The following SPAG5 variants were observed in gnomAD, a reference collection of about 807,000 sequenced individuals.
The protein encoded by SPAG5 is sperm-associated antigen 5.
Under a neutral mutation model 145.4 loss-of-function variants are expected in SPAG5, and 99 were observed. The ratio of observed to expected loss-of-function variants is 0.68; its 90% CI spans 0.58 to 0.80. The LOEUF (loss-of-function observed/expected upper bound fraction) is 0.80, where lower values mean the gene tolerates loss of function less well. Ranked by LOEUF, SPAG5 falls within the 30% of genes least tolerant of loss-of-function variation. SPAG5 has a pLI of 0.00. For synonymous variants in SPAG5, 477 were observed against 525.4 expected (o/e 0.91, Z 1.26); for missense variants, 1,192 against 1,416.0 (o/e 0.84, Z 2.54).
Position 28,585,181 on chromosome 17 carries a change from C to A in SPAG5, c.1988G>T (p.Arg663Leu), listed in dbSNP as rs148918737. The A allele has an allele frequency of 6.8e-6, 11 of 1,614,164 alleles. No individual in the cohort carries two copies. In the South Asian group the frequency reaches 1.1e-4, roughly 16 times the overall value. Residue 663 changes from arginine to leucine, a missense_variant, in exon 10 of 24, where the codon CGA becomes CTA. Transcript: ENST00000321765. The part of the protein sequence containing the change: ...TTWTALLSRS[R>L]QLTEKLTVKS... ...GACTGTGAGTTTCTCTGTGAGTTGTCGGGACCGACTCAGCAAAGCTGTCCA... is the reference window on the plus strand; with the variant it reads ...GACTGTGAGTTTCTCTGTGAGTTGTAGGGACCGACTCAGCAAAGCTGTCCA...
At chr17:28,578,597 A>T in intron 20 of SPAG5, 69 bp from the exon 21 acceptor site, 1 of 1,609,664 alleles carries the variant, frequency 6.2e-7, no homozygotes, top group Non-Finnish European at 8.5e-7. Flanking sequence ...ACAAAAGCAA[A>T]CCATTTCTCA....
At position 28,579,176 on chromosome 17, in the gene SPAG5, C is replaced by G. The variant is rs760845726; in HGVS notation, c.3082G>C (p.Glu1028Gln). 3 of 1,614,064 alleles carry G rather than the reference C, an allele frequency of 1.9e-6. No individual in the cohort carries two copies. Among genetic ancestry groups the G allele is most frequent in the Middle Eastern group, 1.7e-4 (1 of 5,914 alleles). ...AAGCACAAGGCCTGGTTCAGCTTCT[C>G]TATGTCTGCTTCTTTTGCCTTCTGG... ...EVQKAKEADIEKLNQALCLRY... is the reference protein window; with the variant it reads ...EVQKAKEADIQKLNQALCLRY... The change falls in exon 19 of 24, where the codon GAG becomes CAG. Residue 1028 changes from glutamate (E) to glutamine (Q), a missense_variant. By Grantham distance (29) the Glu-to-Gln change is conservative (BLOSUM62 2). Coordinates refer to ENST00000321765, the MANE Select transcript of SPAG5 (RefSeq NM_006461.4).
chr17:28,585,862 A>AC lies in SPAG5; in HGVS notation c.1740+1dup. 1 of 1,614,100 alleles carries AC rather than the reference A, an allele frequency of 6.2e-7. No individual in the cohort carries two copies. On this transcript the variant is annotated splice_donor_variant, in intron 7 of 23. Transcript: ENST00000321765. LOFTEE classifies it high-confidence loss of function. ...TCCAAGAACAAATGCCTGTCACCTTACCGCATCCTTGCCTCTGAGAGCCAT... is the reference window on the plus strand; with the variant it reads ...TCCAAGAACAAATGCCTGTCACCTTACCCGCATCCTTGCCTCTGAGAGCCAT...
intron 2 of SPAG5, 105 bp downstream of exon 2, chr17:28,598,405 A>T (rs2070683484): frequency 7.3e-7 from 1 of 1,361,136 alleles, no homozygotes; most frequent in Admixed American, 2.5e-5. Flanking sequence ...CCGACGTAGA[A>T]GACTTCATTA....
chr17:28,597,040 T>C (rs1350852201), intron 2 of SPAG5, among the ~76,000 whole-genome samples: 1 of 151,866 alleles, frequency 6.6e-6, no homozygotes, highest in Non-Finnish European at 1.5e-5. Flanking sequence ...TGAGCCGAGA[T>C]CGCGCCATTG....
chr17:28,585,627 A>T lies in SPAG5; in HGVS notation c.1767T>A (p.Cys589Ter). 1 of 1,614,048 alleles carries T rather than the reference A, an allele frequency of 6.2e-7. No individual in the cohort carries two copies. Among genetic ancestry groups the T allele is most frequent in the Non-Finnish European group, 8.5e-7 (1 of 1,180,040 alleles). Residue 589 changes from cysteine (C) to a stop codon, truncating the protein, a stop_gained, in exon 8 of 24, where the codon TGT becomes TGA. Coordinates refer to ENST00000321765, the MANE Select transcript of SPAG5 (RefSeq NM_006461.4). LOFTEE classifies it high-confidence loss of function. ...GGCTGATGCGCTGGCTGGCGTGTGC[A>T]CAGAAAGCCTCCAACACTATCTCTG... ...DAAEIVLEAF[C>*]AHASQRISQL...
At position 28,583,877 on chromosome 17, in the gene SPAG5, A is replaced by T; in HGVS notation, c.2522T>A (p.Leu841His). ...LRERSLQCEN[L>H]KDTVENLTAK... ...CGTTAGGTTCTCTACAGTGTCCTTG[A>T]GGTTCTCACACTGCAAGCTGCGCTC... Residue 841 changes from leucine (L) to histidine (H), a missense_variant, in exon 14 of 24, where the codon CTC (leucine) becomes CAC (histidine). This residue lies in a region of SPAG5 where 709 missense variants were observed against 840.7 expected (regional missense o/e 0.84). Coordinates refer to ENST00000321765, the MANE Select transcript of SPAG5 (RefSeq NM_006461.4). 6.2e-7 allele frequency: 1 copy of T among 1,614,166 alleles called. No individual in the cohort carries two copies. Among genetic ancestry groups the T allele is most frequent in the African/African-American group, 1.3e-5 (1 of 75,052 alleles).
In SPAG5 at chr17:28,592,228, C is replaced by G; in HGVS notation, c.1016G>C (p.Trp339Ser). 1 of 1,614,190 alleles carries G rather than the reference C, an allele frequency of 6.2e-7. No homozygotes were observed. The highest frequency in any genetic ancestry group is 8.5e-7 in the Non-Finnish European group (1 of 1,180,048). ...GRILGSDTES[W>S]MSPLAWLEKG... ...TTCCAGCCAGGCCAGTGGGGACATC[C>G]AAGACTCTGTATCAGAGCCAAGAAT... is the stretch of plus-strand genomic sequence containing the variant. Residue 339 changes from tryptophan (W) to serine (S), a missense_variant, in exon 3 of 24, where the codon TGG (tryptophan) becomes TCG (serine). Around this residue, in one of 5 missense-constraint regions of SPAG5, gnomAD observed 125 missense variants for 143.8 expected, o/e 0.87. Transcript: ENST00000321765.
rs776716278 is a variant in SPAG5 at position 28,583,680 on chromosome 17, G to GACCAAAT, written c.2547-38_2547-32dup. 5 of 1,575,718 alleles carry GACCAAAT rather than the reference G, an allele frequency of 3.2e-6. No individual in the cohort carries two copies. The African/African-American group carries it at 6.8e-5, about 22-fold the overall frequency. On this transcript the variant is annotated intron_variant, in intron 14 of 23. Coordinates refer to ENST00000321765, the MANE Select transcript of SPAG5 (RefSeq NM_006461.4). ...ATAAGGAACAGGGAAGATGACCAAAGACCAAATTACCTTCTCTGAACGCCT... is the reference window on the plus strand; with the variant it reads ...ATAAGGAACAGGGAAGATGACCAAAGACCAAATACCAAATTACCTTCTCTGAACGCCT...
intron 2 of SPAG5, among the ~76,000 whole-genome samples, chr17:28,597,124 T>G (rs1302262665): frequency 1.3e-5 from 2 of 150,292 alleles, no homozygotes; most frequent in Non-Finnish European, 3.0e-5. Context: ...AATTAAATAT[T>G]CAATTATTCA....
In SPAG5 at chr17:28,584,196, T is replaced by C. The variant is rs2070567749; in HGVS notation, c.2366A>G (p.Gln789Arg). Residue 789 changes from glutamine (Q) to arginine (R), a missense_variant, in exon 13 of 24, where the codon CAA (glutamine) becomes CGA (arginine). Around this residue, in one of 5 missense-constraint regions of SPAG5, gnomAD observed 709 missense variants for 840.7 expected, o/e 0.84. Transcript: ENST00000321765. ...CCGCACCTCTTTGGCCAGGACAGCT[T>C]GTTGCTGCTGCAGTTCTGCCTGCAT... The part of the protein sequence containing the change: ...KHMQAELQQQ[Q>R]AVLAKEVRDL... 6.2e-7 allele frequency: 1 copy of C among 1,614,050 alleles called. No homozygotes were observed. Among genetic ancestry groups the C allele is most frequent in the Admixed American group, 1.7e-5 (1 of 60,028 alleles).
intron 19 of SPAG5, 148 bp from the exon 20 acceptor site, chr17:28,578,900 G>A: frequency 4.0e-6 from 3 of 746,758 alleles, no homozygotes; most frequent in Middle Eastern, 3.9e-4. Flanking sequence ...GCCAAGCCAG[G>A]CAAGGCACAT....
intron 22 of SPAG5, 49 bp downstream of exon 22, chr17:28,578,169 T>C (rs1456817490): frequency 1.2e-6 from 2 of 1,610,700 alleles, no homozygotes. Flanking sequence ...GGCGGGGCAT[T>C]TGTTAACGAT....
chr17:28,584,006 A>G lies in SPAG5; in HGVS notation c.2413-20T>C, dbSNP rs199505508. The G allele has an allele frequency of 2.5e-6, 4 of 1,613,996 alleles. No individual in the cohort carries two copies. Among genetic ancestry groups the G allele is most frequent in the Non-Finnish European group, 3.4e-6 (4 of 1,179,884 alleles). On this transcript the variant is annotated intron_variant, in intron 13 of 23. Coordinates refer to ENST00000321765, the MANE Select transcript of SPAG5 (RefSeq NM_006461.4). Reference sequence around the variant, plus strand: ...TGCAAACTGGGAAGACAAGAGAAGGAGCAAGACAGGGAGGGAGAATTTTAG... The same window carrying G: ...TGCAAACTGGGAAGACAAGAGAAGGGGCAAGACAGGGAGGGAGAATTTTAG...
At chr17:28,598,800 C>T (rs937152694) in intron 1 of SPAG5, 96 bp downstream of exon 1, 56 of 1,537,460 alleles carry the variant, frequency 3.6e-5, no homozygotes, top group Non-Finnish European at 4.6e-5. Context: ...GCCCCCAACC[C>T]CGGGCTCGAC....
intron 4 of SPAG5, among the ~76,000 whole-genome samples, chr17:28,589,616 A>C (rs1489629233): frequency 6.6e-6 from 1 of 152,094 alleles, no homozygotes; most frequent in Non-Finnish European, 1.5e-5. Flanking sequence ...TTATGCTTTA[A>C]AGTATGTTAT....
intron 17 of SPAG5, 78 bp downstream of exon 17, chr17:28,579,673 C>A (rs1310998801): frequency 2.1e-6 from 3 of 1,450,516 alleles, no homozygotes; most frequent in Non-Finnish European, 2.9e-6. Context: ...GAGCAAAGCA[C>A]TTCTCACTGC....
chr17:28,586,343 A>G (rs2070585437), intron 5 of SPAG5, 82 bp downstream of exon 5: 1 of 1,270,306 alleles, frequency 7.9e-7, no homozygotes, highest in Admixed American at 1.7e-5. Flanking sequence ...ACTTAGTATC[A>G]CCATCTACTA....
intron 2 of SPAG5, 94 bp from the exon 3 acceptor site, chr17:28,593,160 G>T (rs1273146539): frequency 2.1e-6 from 3 of 1,435,196 alleles, no homozygotes; most frequent in African/African-American, 2.9e-5. Flanking sequence ...AAAAAGAAAA[G>T]AATTCTTACT....
Sources: gnomAD v4.1 joint callset for allele counts (sites outside exome capture counted in the v4.1 genomes callset) on GRCh38, gnomAD v4.1.1 for gene constraint, gnomAD v4.1.1 regional missense constraint, MANE v1.5 for transcripts, NCBI Gene and HGNC (gene_info 2026-07-23, HGNC 2026-07-21) for gene names.